Variants in ZFPM2 observed in about 807,000 individuals in gnomAD.
ZFPM2 encodes zinc finger protein, FOG family member 2.
A neutral mutation model predicts 98.6 loss-of-function variants in ZFPM2; 20 were observed. The ratio of observed to expected loss-of-function variants is 0.20; its 90% CI spans 0.14 to 0.29. The LOEUF (loss-of-function observed/expected upper bound fraction) is 0.29, where lower values mean the gene tolerates loss of function less well. Among genes scored for constraint, ZFPM2 ranks in the 10% least tolerant of loss-of-function variants. The pLI is 1.00. For synonymous variants in ZFPM2, 518 were observed against 502.7 expected, an observed-to-expected ratio of 1.03 and a Z score of -0.41; for missense variants, 1,310 against 1,388.6, an observed-to-expected ratio of 0.94 and a Z score of 0.90.
intron 1 of ZFPM2, among the ~76,000 whole-genome samples, chr8:105,326,299 A>AT (rs1473918089): frequency 1.3e-5 from 2 of 151,744 alleles, no homozygotes; most frequent in Non-Finnish European, 3.0e-5. Context: ...TAAAATGAGC[A>AT]TTTTTAAAAT....
At chr8:105,332,432 A>G (rs1263891258) in intron 1 of ZFPM2, among the ~76,000 whole-genome samples, 1 of 151,688 alleles carries the variant, frequency 6.6e-6, no homozygotes, top group African/African-American at 2.4e-5. Flanking sequence ...TTTTTTAAAA[A>G]CCCACATAAT....
At chr8:105,398,483 C>A (rs941995631) in intron 1 of ZFPM2, among the ~76,000 whole-genome samples, 2 of 152,100 alleles carry the variant, frequency 1.3e-5, no homozygotes, top group African/African-American at 4.8e-5. Context: ...AGTCCCCAAC[C>A]TTTTTGGCAC....
chr8:105,480,871 C>A (rs909137078), intron 3 of ZFPM2, among the ~76,000 whole-genome samples: 1 of 151,950 alleles, frequency 6.6e-6, no homozygotes, highest in African/African-American at 2.4e-5. Flanking sequence ...CTGCCTCAGC[C>A]TCCCAAGTAG....
chr8:105,802,688 A>G lies in ZFPM2; in HGVS notation c.2606A>G (p.Tyr869Cys), dbSNP rs1467521354. ...ATCAGTTTCAATAAGGTAGAAAACTATCTGGCCCACAAGCAGAATTTCTGC... is the reference window on the plus strand; with the variant it reads ...ATCAGTTTCAATAAGGTAGAAAACTGTCTGGCCCACAAGCAGAATTTCTGC... ...CKISFNKVEN[Y>C]LAHKQNFCPV... The change falls in exon 8 of 8, where the codon TAT becomes TGT. Residue 869 changes from tyrosine (Y) to cysteine (C), a missense_variant. By Grantham distance (194) the Tyr-to-Cys change is radical (BLOSUM62 -2). Coordinates refer to ENST00000407775, the MANE Select transcript of ZFPM2 (RefSeq NM_012082.4). 10 of 1,611,452 alleles carry G rather than the reference A, an allele frequency of 6.2e-6. No individual in the cohort carries two copies. The highest frequency in any genetic ancestry group is 3.4e-5 in the Admixed American group (2 of 59,646).
chr8:105,490,186 G>A (rs934365202), intron 3 of ZFPM2, among the ~76,000 whole-genome samples: 10 of 152,124 alleles, frequency 6.6e-5, no homozygotes, highest in Admixed American at 2.0e-4. Context: ...GGCGGAGGTT[G>A]CAGTGAGCCA....
chr8:105,553,422 G>A (rs188857915), intron 3 of ZFPM2, among the ~76,000 whole-genome samples: 126 of 152,272 alleles, frequency 8.3e-4, no homozygotes, highest in South Asian at 1.7e-3. Flanking sequence ...GCCAAAGAGA[G>A]CATTTTGCAT....
chr8:105,606,760 A>T (rs759717961), intron 4 of ZFPM2, among the ~76,000 whole-genome samples: 3 of 152,118 alleles, frequency 2.0e-5, no homozygotes, highest in Non-Finnish European at 4.4e-5. Context: ...GGGAGCTTAA[A>T]GAAAGTTTGT....
At chr8:105,606,751 G>A (rs1816205230) in intron 4 of ZFPM2, among the ~76,000 whole-genome samples, 1 of 151,890 alleles carries the variant, frequency 6.6e-6, no homozygotes, top group Non-Finnish European at 1.5e-5. Context: ...ACACAATGTG[G>A]GAGCTTAAAG....
intron 5 of ZFPM2, among the ~76,000 whole-genome samples, chr8:105,781,786 G>T (rs1013270343): frequency 2.0e-5 from 3 of 152,074 alleles, no homozygotes; most frequent in Non-Finnish European, 2.9e-5. Flanking sequence ...TCTCCATATT[G>T]TAGCTATGCA....
chr8:105,612,144 A>G (rs540305770), intron 4 of ZFPM2, among the ~76,000 whole-genome samples: 20 of 152,328 alleles, frequency 1.3e-4, no homozygotes, highest in Non-Finnish European at 2.4e-4. Context: ...ACTGGGTAAG[A>G]TATAGACTGT....
chr8:105,321,945 T>G (rs951850617), intron 1 of ZFPM2, among the ~76,000 whole-genome samples: 2 of 152,190 alleles, frequency 1.3e-5, no homozygotes, highest in Non-Finnish European at 2.9e-5. Context: ...CTGGATTTCC[T>G]GATAATACAG....
At chr8:105,670,841 C>T (rs1040702664) in intron 5 of ZFPM2, among the ~76,000 whole-genome samples, 6 of 152,118 alleles carry the variant, frequency 3.9e-5, no homozygotes, top group African/African-American at 1.4e-4. Context: ...AATATATTAG[C>T]TAGAGATTGT....
chr8:105,353,502 C>T (rs948529196), intron 1 of ZFPM2, among the ~76,000 whole-genome samples: 3 of 152,122 alleles, frequency 2.0e-5, no homozygotes, highest in Non-Finnish European at 4.4e-5. Flanking sequence ...TAGTCCCTGA[C>T]ACCAAAAAAC....
At chr8:105,761,288 G>A (rs548082098) in intron 5 of ZFPM2, among the ~76,000 whole-genome samples, 62 of 152,088 alleles carry the variant, frequency 4.1e-4, no homozygotes, top group African/African-American at 1.4e-3. Context: ...AATGCTCTAT[G>A]TATTCTTTCA....
At chr8:105,796,036 A>T (rs1813797462) in intron 6 of ZFPM2, 1 of 194,890 alleles carries the variant, frequency 5.1e-6, no homozygotes, top group East Asian at 1.5e-4. Flanking sequence ...TTCTTGCTGT[A>T]ATATCATCCT....
At chr8:105,451,534 A>G (rs1197205942) in intron 3 of ZFPM2, 1 of 152,196 alleles carries the variant, frequency 6.6e-6, no homozygotes, top group East Asian at 1.9e-4. Context: ...CCCTTAATCC[A>G]GTATAACTGC....
chr8:105,764,006 C>A (rs1286925053), intron 5 of ZFPM2, among the ~76,000 whole-genome samples: 1 of 151,732 alleles, frequency 6.6e-6, no homozygotes, highest in Non-Finnish European at 1.5e-5. Context: ...TAATTACTTT[C>A]AGGATCTGGA....
At chr8:105,550,512 A>G (rs1814826151) in intron 3 of ZFPM2, among the ~76,000 whole-genome samples, 1 of 152,208 alleles carries the variant, frequency 6.6e-6, no homozygotes, top group Non-Finnish European at 1.5e-5. Flanking sequence ...GATAAAAATT[A>G]TACCTACTCT....
chr8:105,377,500 G>A (rs1178289190), intron 1 of ZFPM2, among the ~76,000 whole-genome samples: 1 of 149,558 alleles, frequency 6.7e-6, no homozygotes, highest in Non-Finnish European at 1.5e-5. Flanking sequence ...GGTGGCTCAT[G>A]CCTGTAATCC....
Sources: allele counts gnomAD v4.1 joint callset (sites outside exome capture counted in the v4.1 genomes callset), GRCh38; gene constraint gnomAD v4.1.1; transcripts MANE v1.5; gene names NCBI Gene and HGNC (gene_info 2026-07-23, HGNC 2026-07-21).